The following CACNA2D3 variants were observed in gnomAD, a reference collection of about 807,000 sequenced individuals.
The protein encoded by CACNA2D3 is calcium voltage-gated channel auxiliary subunit alpha2delta 3.
Under a neutral mutation model 160.6 loss-of-function variants are expected in CACNA2D3, and 60 were observed. The observed-to-expected ratio is 0.37, with a 90% CI of 0.30 to 0.46. The LOEUF (loss-of-function observed/expected upper bound fraction) is 0.46, where lower values mean the gene tolerates loss of function less well. Among genes scored for constraint, CACNA2D3 ranks in the 20% least tolerant of loss-of-function variants. The probability of loss-of-function intolerance (pLI) is 1.00; values close to 1 mark genes in which losing one functional copy is unlikely to be tolerated. For synonymous variants in CACNA2D3, 558 were observed against 492.9 expected (o/e 1.13, Z -1.75); for missense variants, 1,205 against 1,365.0 (o/e 0.88, Z 1.85).
intron 3 of CACNA2D3, among the ~76,000 whole-genome samples, chr3:54,381,791 C>A (rs181025973): frequency 7.9e-5 from 12 of 152,260 alleles, no homozygotes; most frequent in Admixed American, 7.8e-4. Flanking sequence ...TATCCATGGT[C>A]TATGGCTTCT....
intron 2 of CACNA2D3, among the ~76,000 whole-genome samples, chr3:54,232,565 G>A (rs1701793132): frequency 6.6e-6 from 1 of 152,094 alleles, no homozygotes; most frequent in African/African-American, 2.4e-5. Context: ...CCTTGTTTTG[G>A]TTGAAAGAGC....
At chr3:54,883,796 G>A (rs1250719294) in intron 21 of CACNA2D3, among the ~76,000 whole-genome samples, 5 of 38,508 alleles carry the variant, frequency 1.3e-4, no homozygotes, top group African/African-American at 4.6e-4. Flanking sequence ...TAGTTACAAT[G>A]GAATCTCTCT....
intron 4 of CACNA2D3, among the ~76,000 whole-genome samples, chr3:54,492,981 T>C (rs1701135051): frequency 6.6e-6 from 1 of 151,054 alleles, no homozygotes; most frequent in African/African-American, 2.4e-5. Context: ...TTTTATAATG[T>C]ACAAATGTTA....
At chr3:54,268,045 A>T (rs181850432) in intron 2 of CACNA2D3, among the ~76,000 whole-genome samples, 1 of 152,258 alleles carries the variant, frequency 6.6e-6, no homozygotes, top group East Asian at 1.9e-4. Context: ...ATGGTCTGAA[A>T]CCTATGGTTG....
intron 2 of CACNA2D3, among the ~76,000 whole-genome samples, chr3:54,222,378 A>C (rs1387418178): frequency 6.6e-6 from 1 of 152,210 alleles, no homozygotes; most frequent in Non-Finnish European, 1.5e-5. Context: ...CAATGTCCTG[A>C]AGGCAGGAAT....
chr3:54,830,334 T>C (rs2106743946), intron 14 of CACNA2D3, among the ~76,000 whole-genome samples: 1 of 152,314 alleles, frequency 6.6e-6, no homozygotes, highest in South Asian at 2.1e-4. Context: ...TTCCACCTCT[T>C]AGTACTACTC....
intron 2 of CACNA2D3, among the ~76,000 whole-genome samples, chr3:54,311,850 G>A (rs893969342): frequency 6.6e-6 from 1 of 152,080 alleles, no homozygotes; most frequent in Non-Finnish European, 1.5e-5. Flanking sequence ...TTCAGTTTAA[G>A]TTTCTTTTTT....
chr3:54,669,699 C>T (rs1165848853), intron 11 of CACNA2D3, among the ~76,000 whole-genome samples: 1 of 151,878 alleles, frequency 6.6e-6, no homozygotes. Context: ...AAGTATCCTT[C>T]AGATGATAGA....
rs376732168 is a variant in CACNA2D3, at chr3:54,891,442, C to G, written c.2238C>G (p.Leu746=). The change falls in exon 25 of 38, where the codon CTC becomes CTG. Residue 746 remains leucine, a synonymous_variant. Coordinates refer to ENST00000474759, the MANE Select transcript of CACNA2D3 (RefSeq NM_018398.3). ...ACCTGTTTGTCGGGGCTGAGCAGCT[C>G]ACCAATCAGTAAGTAGGAGGGATCC... ...RINLFVGAEQ[L]TNQDFLKAGD... 22 of 1,613,220 alleles carry G rather than the reference C, an allele frequency of 1.4e-5. No individual in the cohort carries two copies. In the African/African-American group the frequency reaches 2.9e-4, roughly 22 times the overall value.
intron 35 of CACNA2D3, among the ~76,000 whole-genome samples, chr3:55,072,039 G>GA (rs1704821678): frequency 6.6e-6 from 1 of 152,210 alleles, no homozygotes. Context: ...GCATAGGCAA[G>GA]AAAGAGTCTA....
chr3:54,718,540 T>C (rs1701106811), intron 11 of CACNA2D3, among the ~76,000 whole-genome samples: 2 of 152,204 alleles, frequency 1.3e-5, no homozygotes, highest in South Asian at 4.1e-4. Flanking sequence ...GTTATGCTAT[T>C]GGTCTGTTTA....
At chr3:54,826,978 A>G (rs1195106419) in intron 14 of CACNA2D3, among the ~76,000 whole-genome samples, 1 of 152,218 alleles carries the variant, frequency 6.6e-6, no homozygotes, top group Non-Finnish European at 1.5e-5. Flanking sequence ...CTTTATGTCT[A>G]TAATTCATTT....
intron 2 of CACNA2D3, among the ~76,000 whole-genome samples, chr3:54,133,483 G>C (rs1299712317): frequency 6.6e-6 from 1 of 152,212 alleles, no homozygotes; most frequent in African/African-American, 2.4e-5. Flanking sequence ...ATTGGTGTTA[G>C]TGTGGTATTG....
intron 27 of CACNA2D3, chr3:54,928,203 T>G (rs1426079335): frequency 2.3e-6 from 1 of 441,498 alleles, no homozygotes; most frequent in Non-Finnish European, 4.0e-6. Flanking sequence ...ATCCCTGCCT[T>G]TCCCATTCAG....
intron 14 of CACNA2D3, 30 bp from the exon 15 acceptor site, chr3:54,837,129 C>G: frequency 6.2e-7 from 1 of 1,607,930 alleles, no homozygotes; most frequent in Non-Finnish European, 8.5e-7. Flanking sequence ...CAGACCGTTC[C>G]CCGGTAACTG....
intron 11 of CACNA2D3, among the ~76,000 whole-genome samples, chr3:54,645,135 AACTT>A (rs1447617928): frequency 2.0e-5 from 3 of 152,196 alleles, no homozygotes; most frequent in African/African-American, 7.2e-5. Flanking sequence ...GGCCTCAGGA[AACTT>A]ACAATCATGG....
Position 54,627,864 on chromosome 3 carries a change from C to T in CACNA2D3, c.1041C>T (p.Asn347=). ...ATATAGCTCTGAATGAGGCCTTCAA[C>T]ATTCTGAGTGATGTAAGTTCCTCTT... is the stretch of plus-strand genomic sequence containing the variant. ...MLDIALNEAF[N]ILSDFNHTGQ... The change falls in exon 10 of 38, where the codon AAC becomes AAT. Residue 347 remains asparagine (N), a synonymous_variant. Transcript: ENST00000474759. The T allele has an allele frequency of 1.2e-6, 2 of 1,600,474 alleles. No individual in the cohort carries two copies. The highest frequency in any genetic ancestry group is 1.7e-6 in the Non-Finnish European group (2 of 1,171,480).
chr3:54,799,572 G>T (rs1449071904), intron 13 of CACNA2D3, among the ~76,000 whole-genome samples: 1 of 152,190 alleles, frequency 6.6e-6, no homozygotes, highest in East Asian at 1.9e-4. Flanking sequence ...GTTGAGTGCA[G>T]TAATGGCTTC....
chr3:54,644,739 C>T (rs935950404), intron 11 of CACNA2D3, among the ~76,000 whole-genome samples: 1 of 152,260 alleles, frequency 6.6e-6, no homozygotes, highest in African/African-American at 2.4e-5. Context: ...TCTACAACTT[C>T]TGATGCAGTA....
Sources: gnomAD v4.1 joint callset for allele counts (sites outside exome capture counted in the v4.1 genomes callset) on GRCh38, gnomAD v4.1.1 for gene constraint, MANE v1.5 for transcripts, NCBI Gene and HGNC (gene_info 2026-07-23, HGNC 2026-07-21) for gene names.